FAM120C: variants seen among roughly 807,000 people sequenced by gnomAD.
FAM120C encodes constitutive coactivator of PPAR-gamma-like protein 2.
A neutral mutation model predicts 71.2 loss-of-function variants in FAM120C; 14 were observed. The ratio of observed to expected loss-of-function variants is 0.20; its 90% CI spans 0.13 to 0.31. FAM120C has a LOEUF of 0.31. Among genes scored for constraint, FAM120C ranks in the 10% least tolerant of loss-of-function variants. FAM120C has a pLI of 1.00. For synonymous variants in FAM120C, 354 were observed against 353.2 expected, an observed-to-expected ratio of 1.00 and a Z score of -0.03; for missense variants, 500 against 879.0, an observed-to-expected ratio of 0.57 and a Z score of 5.45.
At chrX:54,144,275 C>A (rs1401004438) in intron 4 of FAM120C, among the ~76,000 whole-genome samples, 3 of 111,260 alleles carry the variant, frequency 2.7e-5, no homozygotes, top group African/African-American at 6.5e-5. Context: ...TGCCCTCTCT[C>A]ACCACTCCTA....
At chrX:54,111,062 A>G (rs1222155146) in intron 10 of FAM120C, among the ~76,000 whole-genome samples, 1 of 108,012 alleles carries the variant, frequency 9.3e-6, no homozygotes, top group South Asian at 4.1e-4. Context: ...TCTGTCTCAA[A>G]AAAAAAAAAA....
intron 11 of FAM120C, among the ~76,000 whole-genome samples, chrX:54,089,110 A>C (rs1438899280): frequency 1.8e-5 from 2 of 111,593 alleles, no homozygotes; most frequent in African/African-American, 6.5e-5. Context: ...AGCAACTGTA[A>C]ATGGAGTAAG....
intron 4 of FAM120C, among the ~76,000 whole-genome samples, chrX:54,145,093 TG>T (rs1350293414): frequency 8.9e-6 from 1 of 112,013 alleles, no homozygotes; most frequent in African/African-American, 3.2e-5. Flanking sequence ...TAAATGATGC[TG>T]GGAAAACTGG....
chrX:54,118,353 TTTA>T (rs1230922864), intron 9 of FAM120C, among the ~76,000 whole-genome samples: 1 of 111,228 alleles, frequency 9.0e-6, no homozygotes, highest in Non-Finnish European at 1.9e-5. Context: ...TGCACCACAG[TTTA>T]ATCATTCACC....
chrX:54,079,260 CAAA>C (rs1334413922), intron 15 of FAM120C, among the ~76,000 whole-genome samples: 1 of 45,883 alleles, frequency 2.2e-5, no homozygotes. Context: ...AGACTCATCT[CAAA>C]AAAAAAAAAA....
chrX:54,076,876 G>A (rs1332453479), intron 15 of FAM120C, among the ~76,000 whole-genome samples: 1 of 111,349 alleles, frequency 9.0e-6, no homozygotes, highest in Admixed American at 9.6e-5. Flanking sequence ...CGGATCACCC[G>A]AGCTCAGGAG....
At chrX:54,142,372 C>T in intron 4 of FAM120C, among the ~76,000 whole-genome samples, 1 of 111,899 alleles carries the variant, frequency 8.9e-6, no homozygotes, top group Non-Finnish European at 1.9e-5. Flanking sequence ...CGGGACACTC[C>T]CACCCTAATA....
At chrX:54,155,620 A>G (rs1261156199) in intron 3 of FAM120C, among the ~76,000 whole-genome samples, 1 of 108,393 alleles carries the variant, frequency 9.2e-6, no homozygotes, top group Non-Finnish European at 1.9e-5. Flanking sequence ...GAAGAAATAT[A>G]GAGCAGTAGC....
At chrX:54,114,850 C>A (rs1265344574) in intron 10 of FAM120C, among the ~76,000 whole-genome samples, 1 of 111,447 alleles carries the variant, frequency 9.0e-6, no homozygotes, top group African/African-American at 3.3e-5. Flanking sequence ...TGGGTTCAAG[C>A]GATTCTCCTG....
At chrX:54,174,933 T>C (rs2067308556) in intron 1 of FAM120C, among the ~76,000 whole-genome samples, 2 of 111,309 alleles carry the variant, frequency 1.8e-5, no homozygotes. Flanking sequence ...CCACTTCTAC[T>C]GGTTATGTCC....
At position 54,159,434 on chromosome X, in the gene FAM120C, C is replaced by T. The variant is rs782665589; in HGVS notation, c.882G>A (p.Met294Ile). 1.1e-5 allele frequency: 13 copies of T among 1,211,429 alleles called. No individual in the cohort carries two copies. The highest frequency in any genetic ancestry group is 1.5e-5 in the Non-Finnish European group (13 of 895,284). The change falls in exon 2 of 16, where the codon ATG becomes ATA. Residue 294 changes from methionine (M) to isoleucine (I), a missense_variant. Met to Ile is a conservative substitution (Grantham distance 10). This residue lies in a region of FAM120C where 45 missense variants were observed against 140.2 expected (regional missense o/e 0.32). Transcript: ENST00000375180. ...GGCCCAGCTGCTTGGCTACTTCTTG[C>T]ATCAGGAACTGGTTGGTAGTGAGGT... ...GKNLTTNQFL[M>I]QEVAKQLGLK...
At chrX:54,145,920 A>G (rs1218046309) in intron 4 of FAM120C, among the ~76,000 whole-genome samples, 6 of 112,492 alleles carry the variant, frequency 5.3e-5, no homozygotes, top group Non-Finnish European at 7.5e-5. Flanking sequence ...ATGTCCATCA[A>G]TGACAGACTG....
chrX:54,131,713 C>T (rs1221793256), intron 9 of FAM120C, among the ~76,000 whole-genome samples: 1 of 111,075 alleles, frequency 9.0e-6, no homozygotes, highest in Non-Finnish European at 1.9e-5. Flanking sequence ...GCTGGGATTA[C>T]AGGCATGAGC....
intron 10 of FAM120C, among the ~76,000 whole-genome samples, chrX:54,110,139 C>T (rs920503086): frequency 1.9e-5 from 2 of 103,670 alleles, no homozygotes; most frequent in Non-Finnish European, 3.9e-5. Context: ...GCCTCAGCCT[C>T]CTGAGTAGCT....
chrX:54,159,404 C>T lies in FAM120C; in HGVS notation c.912G>A (p.Lys304=). ...CAGCAAATATGGGGAAATTCATCCT[C>T]TTCAGGCCCAGCTGCTTGGCTACTT... ...MQEVAKQLGL[K]RMNFPIFAAL... is the part of the protein sequence containing the mutation. Residue 304 remains lysine (K), a synonymous_variant, in exon 2 of 16, where the codon AAG becomes AAA. Transcript: ENST00000375180. The T allele has an allele frequency of 2.5e-6, 3 of 1,211,763 alleles. No individual in the cohort carries two copies. In the African/African-American group the frequency reaches 5.2e-5, roughly 21 times the overall value.
intron 10 of FAM120C, among the ~76,000 whole-genome samples, chrX:54,105,321 C>T (rs1396284604): frequency 9.0e-6 from 1 of 111,664 alleles, no homozygotes; most frequent in Non-Finnish European, 1.9e-5. Flanking sequence ...ATGATTATCT[C>T]AATAGATGCA....
intron 7 of FAM120C, among the ~76,000 whole-genome samples, chrX:54,134,597 A>T (rs1358271173): frequency 8.9e-6 from 1 of 112,180 alleles, no homozygotes; most frequent in Non-Finnish European, 1.9e-5. Flanking sequence ...ATCAGCTCCT[A>T]TGCTGCCTTT....
intron 11 of FAM120C, 62 bp downstream of exon 11, chrX:54,091,250 G>T: frequency 1.3e-6 from 1 of 750,017 alleles, no homozygotes; most frequent in Non-Finnish European, 2.0e-6. Flanking sequence ...AAAAAAAAAA[G>T]ACCTAAAGTA....
chrX:54,175,334 GCT>G (rs1175640409), intron 1 of FAM120C, among the ~76,000 whole-genome samples: 1 of 110,315 alleles, frequency 9.1e-6, no homozygotes, highest in Non-Finnish European at 1.9e-5. Flanking sequence ...CAGAACAGGT[GCT>G]CAAAAATATT....
Sources: allele counts gnomAD v4.1 joint callset (sites outside exome capture counted in the v4.1 genomes callset), GRCh38; gene constraint gnomAD v4.1.1; regional missense constraint gnomAD v4.1.1; transcripts MANE v1.5; gene names NCBI Gene and HGNC (gene_info 2026-07-23, HGNC 2026-07-21).